The following LSG1 variants were observed in gnomAD, a reference collection of about 807,000 sequenced individuals.
LSG1 encodes the protein large 60S subunit nuclear export GTPase 1, also known as large subunit GTPase 1 homolog.
LSG1 carries 55 observed loss-of-function variants against 82.6 expected under a neutral mutation model. The observed-to-expected ratio is 0.67, with a 90% CI of 0.54 to 0.83. The LOEUF is 0.83. Among genes scored for constraint, LSG1 ranks in the 40% least tolerant of loss-of-function variants. The pLI is 0.00. For synonymous variants in LSG1, 272 were observed against 282.5 expected (o/e 0.96, Z 0.37); for missense variants, 809 against 807.9 (o/e 1.00, Z -0.02).
At chr3:194,667,095 C>T (rs1266244076) in intron 2 of LSG1, among the ~76,000 whole-genome samples, 1 of 151,806 alleles carries the variant, frequency 6.6e-6, no homozygotes, top group East Asian at 1.9e-4. Flanking sequence ...GACAGAGTCT[C>T]ACTCTGTCAC....
rs565860585 is a variant in LSG1, at chr3:194,649,118, A to G, written c.1420-314T>C. 5 of 263,562 alleles carry G rather than the reference A, an allele frequency of 1.9e-5. No individual in the cohort carries two copies. The East Asian group carries it at 5.0e-4, about 26-fold the overall frequency. 16.3% of individuals were successfully genotyped at this position (263,562 alleles called of 1,614,324 possible). On this transcript the variant is annotated intron_variant, in intron 10 of 13. Coordinates refer to ENST00000265245, the MANE Select transcript of LSG1 (RefSeq NM_018385.3). ...GCATTTGTGATTCTAATTTAGAGAT[A>G]AAGCAAGGGGAGTCTCTGTTTCTAA...
At position 194,665,596 on chromosome 3, in the gene LSG1, A is replaced by G. The variant is rs752783868; in HGVS notation, c.482T>C (p.Leu161Ser). ...KLILTPFERN[L>S]DFWRQLWRVI... is the part of the protein sequence containing the mutation. Reference sequence around the variant, plus strand: ...TCTCCAGAGCTGGCGCCAAAAGTCCAAATTTCGTTCAAATGGAGTCAATAT... The same window carrying G: ...TCTCCAGAGCTGGCGCCAAAAGTCCGAATTTCGTTCAAATGGAGTCAATAT... Residue 161 changes from leucine (L) to serine (S), a missense_variant, in exon 5 of 14, where the codon TTG becomes TCG. Leu to Ser is a moderately radical substitution (Grantham distance 145, BLOSUM62 -2). Coordinates refer to ENST00000265245, the MANE Select transcript of LSG1 (RefSeq NM_018385.3). 1.9e-6 allele frequency: 3 copies of G among 1,613,584 alleles called. No homozygotes were observed. Among genetic ancestry groups the G allele is most frequent in the Non-Finnish European group, 2.5e-6 (3 of 1,179,882 alleles).
At chr3:194,671,934 A>AAACTCC in intron 1 of LSG1, 130 bp downstream of exon 1, 1 of 797,628 alleles carries the variant, frequency 1.3e-6, no homozygotes, top group Admixed American at 2.2e-5. Context: ...AGCTTGGCAG[A>AAACTCC]AACTCCAACT....
chr3:194,655,075 A>G (rs1217644797), intron 7 of LSG1, among the ~76,000 whole-genome samples: 1 of 152,242 alleles, frequency 6.6e-6, no homozygotes, highest in Non-Finnish European at 1.5e-5. Flanking sequence ...AACCTGAGAA[A>G]TCATGGAAAA....
In LSG1 at chr3:194,645,547, CACACACACACACACACACACACAGACAG is replaced by C. The variant is rs575593303; in HGVS notation, c.1623+589_1623+616del. The C allele has an allele frequency of 5.8e-3, 269 of 46,728 alleles. 8 individuals carry two copies. The highest frequency in any genetic ancestry group is 0.011 in the East Asian group (14 of 1,258). The allele number at this position is 46,728 out of a possible 1,614,324, so 2.9% of individuals were successfully genotyped here. A position where few individuals can be genotyped will look rare whatever the true frequency, so the allele number is the denominator to read the frequency against. On this transcript the variant is annotated intron_variant, in intron 12 of 13. Transcript: ENST00000265245. ...ACACACACAGACAGACACACACACA[CACACACACACACACACACACACAGACAG>C]ACACACACACACACACACACACACA...
chr3:194,664,172 C>G (rs930432937), intron 5 of LSG1, among the ~76,000 whole-genome samples: 1 of 152,104 alleles, frequency 6.6e-6, no homozygotes, highest in African/African-American at 2.4e-5. Flanking sequence ...AGGCTGGTAT[C>G]GAACTGCTGA....
intron 5 of LSG1, among the ~76,000 whole-genome samples, chr3:194,662,599 C>A (rs1718955584): frequency 6.6e-6 from 1 of 152,154 alleles, no homozygotes; most frequent in Non-Finnish European, 1.5e-5. Flanking sequence ...CCCGTCTCTA[C>A]TAAAAATACA....
At chr3:194,648,098 T>TA (rs1260202311) in intron 11 of LSG1, among the ~76,000 whole-genome samples, 9 of 149,760 alleles carry the variant, frequency 6.0e-5, no homozygotes, top group African/African-American at 2.0e-4. Flanking sequence ...TTTTTTTTTT[T>TA]AGGTAGACAC....
chr3:194,656,170 G>A (rs9877156), intron 7 of LSG1, among the ~76,000 whole-genome samples: 3 of 150,620 alleles, frequency 2.0e-5, no homozygotes, highest in African/African-American at 7.3e-5. Context: ...TTAAACTAAA[G>A]AGCTTCTGCA....
intron 8 of LSG1, 140 bp downstream of exon 8, chr3:194,652,589 C>T (rs1169698795): frequency 5.7e-6 from 5 of 876,672 alleles, no homozygotes; most frequent in Admixed American, 4.8e-5. Flanking sequence ...TGCCTAATCC[C>T]GTGATGCCAG....
chr3:194,645,771 C>T (rs1260048486), intron 12 of LSG1, among the ~76,000 whole-genome samples: 4 of 152,128 alleles, frequency 2.6e-5, no homozygotes, highest in Non-Finnish European at 2.9e-5. Context: ...ACTGAGAAGA[C>T]GCACGTAAAA....
chr3:194,670,166 C>T, intron 1 of LSG1, 31 bp from the exon 2 acceptor site: 1 of 1,609,014 alleles, frequency 6.2e-7, no homozygotes, highest in Non-Finnish European at 8.5e-7. Flanking sequence ...ATAAATACAG[C>T]TGCTCTCTTC....
chr3:194,642,300 G>C (rs931876696), intron 13 of LSG1, 53 bp from the exon 14 acceptor site: 17 of 1,506,700 alleles, frequency 1.1e-5, no homozygotes, highest in Non-Finnish European at 1.5e-5. Flanking sequence ...ATCCTTTAAG[G>C]GATATGCACA....
At chr3:194,660,014 G>C in intron 6 of LSG1, 59 bp downstream of exon 6, 1 of 1,384,910 alleles carries the variant, frequency 7.2e-7, no homozygotes, top group Non-Finnish European at 1.0e-6. Flanking sequence ...GCTGAGGGAT[G>C]CGGTGCTGGC....
intron 7 of LSG1, among the ~76,000 whole-genome samples, chr3:194,657,498 G>A (rs1241368243): frequency 2.1e-5 from 3 of 146,180 alleles, no homozygotes; most frequent in Non-Finnish European, 4.5e-5. Context: ...GGATTCGGTT[G>A]CTCACAGGTT....
intron 13 of LSG1, 67 bp downstream of exon 13, chr3:194,644,506 G>T: frequency 1.6e-6 from 2 of 1,250,372 alleles, no homozygotes; most frequent in Non-Finnish European, 2.2e-6. Flanking sequence ...TATGGCATGT[G>T]ATACTCAATA....
At chr3:194,647,814 T>TAA (rs1718584680) in intron 11 of LSG1, among the ~76,000 whole-genome samples, 1 of 152,208 alleles carries the variant, frequency 6.6e-6, no homozygotes, top group Admixed American at 6.5e-5. Context: ...TGATTACTCT[T>TAA]AAAAGCAGGG....
intron 11 of LSG1, chr3:194,646,479 C>T (rs754725471): frequency 8.1e-6 from 3 of 372,056 alleles, no homozygotes; most frequent in South Asian, 5.7e-5. Context: ...AAGACAAATT[C>T]GATTTCTCTC....
At chr3:194,669,983 C>G in intron 2 of LSG1, 26 bp downstream of exon 2, 5 of 1,611,280 alleles carry the variant, frequency 3.1e-6, no homozygotes, top group Non-Finnish European at 3.4e-6. Flanking sequence ...GACAGTCTCA[C>G]CTGCACTCAG....
Sources: gnomAD v4.1 joint callset for allele counts (sites outside exome capture counted in the v4.1 genomes callset) on GRCh38, gnomAD v4.1.1 for gene constraint, MANE v1.5 for transcripts, NCBI Gene and HGNC (gene_info 2026-07-23, HGNC 2026-07-21) for gene names.